The following LYPD8 variants were observed in gnomAD, a reference collection of about 807,000 sequenced individuals.
LYPD8 encodes ly6/PLAUR domain-containing protein 8.
Under a neutral mutation model 1.7 loss-of-function variants are expected in LYPD8, and 8 were observed. The ratio of observed to expected loss-of-function variants is 4.58; its 90% CI spans 2.69 to 8.27. The LOEUF (loss-of-function observed/expected upper bound fraction) is 8.27, where lower values mean the gene tolerates loss of function less well. LYPD8 is among the 30% of genes most tolerant of loss of function. LYPD8 has a pLI of 0.00. For synonymous variants in LYPD8, 50 were observed against 43.6 expected (o/e 1.15, Z -0.58); for missense variants, 112 against 102.3 (o/e 1.09, Z -0.41).
chr1:248,754,894 C>T (rs1662898074), intron 2 of LYPD8, among the ~76,000 whole-genome samples: 1 of 152,144 alleles, frequency 6.6e-6, no homozygotes, highest in African/African-American at 2.4e-5. Flanking sequence ...GCTTGCTTTT[C>T]TCCTCAGTGG....
At chr1:248,752,742 AC>A (rs1662826160) in intron 2 of LYPD8, among the ~76,000 whole-genome samples, 1 of 94,530 alleles carries the variant, frequency 1.1e-5, no homozygotes, top group African/African-American at 4.0e-5. Context: ...CATCACACAC[AC>A]CACACACCCC....
At chr1:248,743,153 T>C (rs1256685165) in intron 6 of LYPD8, among the ~76,000 whole-genome samples, 1 of 152,080 alleles carries the variant, frequency 6.6e-6, no homozygotes, top group African/African-American at 2.4e-5. Context: ...AAAATGTGTA[T>C]TTAAAAAAAA....
chr1:248,752,908 C>CCACATCACA (rs1662839355), intron 2 of LYPD8, among the ~76,000 whole-genome samples: 5 of 97,488 alleles, frequency 5.1e-5, no homozygotes, highest in African/African-American at 9.5e-5. Context: ...CACACACACC[C>CCACATCACA]CACACACCAA....
intron 6 of LYPD8, 93 bp downstream of exon 6, chr1:248,745,049 C>T (rs1662706816): frequency 2.5e-6 from 1 of 395,996 alleles, no homozygotes; most frequent in African/African-American, 2.1e-5. Flanking sequence ...CACGACTCCC[C>T]TGGTCCTTCT....
intron 6 of LYPD8, among the ~76,000 whole-genome samples, chr1:248,743,382 T>A (rs912613117): frequency 6.6e-6 from 1 of 152,116 alleles, no homozygotes; most frequent in Non-Finnish European, 1.5e-5. Flanking sequence ...GGAGAATCAC[T>A]TGAACCCAGG....
chr1:248,751,464 G>C (rs1662801412), intron 2 of LYPD8, among the ~76,000 whole-genome samples: 1 of 151,968 alleles, frequency 6.6e-6, no homozygotes, highest in African/African-American at 2.4e-5. Context: ...GCTGGGCTGG[G>C]GTCTGTGCCC....
chr1:248,741,137 G>A (rs1662590505), intron 6 of LYPD8, among the ~76,000 whole-genome samples: 1 of 152,208 alleles, frequency 6.6e-6, no homozygotes, highest in Non-Finnish European at 1.5e-5. Context: ...AACAAAGGCT[G>A]ATTCTAAACT....
chr1:248,754,920 G>T lies in LYPD8; in HGVS notation c.-50+319C>A, dbSNP rs1662898392. 6.6e-5 allele frequency among the ~76,000 whole-genome samples: 10 copies of T among 152,226 alleles called. No individual in the cohort carries two copies. The South Asian group carries it at 2.1e-3, about 32-fold the overall frequency. The stretch of plus-strand genomic sequence containing the variant: ...TCCTCAGTGGGAAAAGAGTTTCAGG[G>T]CCATGGCCTTCTGGGAAAGGGCCTC... On this transcript the variant is annotated intron_variant, in intron 2 of 6. Transcript: ENST00000590317.
chr1:248,750,942 G>C (rs940841333), intron 3 of LYPD8, 88 bp downstream of exon 3: 1 of 398,618 alleles, frequency 2.5e-6, no homozygotes, highest in Non-Finnish European at 4.4e-6. Flanking sequence ...TGACATGTGA[G>C]GCCCTCGGGG....
At chr1:248,745,859 T>C (rs1243505248) in intron 5 of LYPD8, among the ~76,000 whole-genome samples, 1 of 152,110 alleles carries the variant, frequency 6.6e-6, no homozygotes, top group African/African-American at 2.4e-5. Flanking sequence ...TTACAGGGAG[T>C]ACTACAAGGT....
intron 5 of LYPD8, among the ~76,000 whole-genome samples, chr1:248,745,855 G>A (rs1268231460): frequency 1.3e-5 from 2 of 152,110 alleles, no homozygotes; most frequent in East Asian, 3.8e-4. Flanking sequence ...ACCCTTACAG[G>A]GAGTACTACA....
intron 5 of LYPD8, among the ~76,000 whole-genome samples, chr1:248,746,228 G>A (rs1249096701): frequency 1.3e-5 from 2 of 152,130 alleles, no homozygotes; most frequent in Non-Finnish European, 2.9e-5. Context: ...CCACATAAAC[G>A]AAAGTTCTTT....
At position 248,739,888 on chromosome 1, in the gene LYPD8, C is replaced by T; in HGVS notation, c.476-39G>A. 6.5e-7 allele frequency: 1 copy of T among 1,549,476 alleles called. No individual in the cohort carries two copies. On this transcript the variant is annotated intron_variant, in intron 6 of 6. Coordinates refer to ENST00000590317, the MANE Select transcript of LYPD8 (RefSeq NM_001085474.2). The surrounding 1 kb of genome is among the most constrained non-coding windows in gnomAD (Gnocchi z 4.3). ...GGAGACAGGAGGGACGCCACTCAGT[C>T]CTTTGTCCTTCCACCCACGCCTGCT...
At chr1:248,749,118 G>A (rs1032701269) in intron 4 of LYPD8, among the ~76,000 whole-genome samples, 3 of 152,232 alleles carry the variant, frequency 2.0e-5, no homozygotes, top group Admixed American at 1.3e-4. Context: ...AAACCAGCAG[G>A]AAGCAATCAA....
At chr1:248,754,700 C>G (rs1056670164) in intron 2 of LYPD8, among the ~76,000 whole-genome samples, 1 of 152,140 alleles carries the variant, frequency 6.6e-6, no homozygotes. Context: ...GAAGGGAAAC[C>G]AGTCGGTCTG....
At chr1:248,755,218 G>A (rs1662902489) in intron 2 of LYPD8, 21 bp downstream of exon 2, 1 of 152,280 alleles carries the variant, frequency 6.6e-6, no homozygotes, top group Non-Finnish European at 1.5e-5. Context: ...GTGAAGCTGG[G>A]GCTCAAGGCA....
intron 6 of LYPD8, among the ~76,000 whole-genome samples, chr1:248,740,866 C>T (rs543366008): frequency 7.2e-5 from 11 of 152,322 alleles, no homozygotes; most frequent in South Asian, 4.1e-4. Flanking sequence ...AGGTGTCTCA[C>T]GCCTGTAATC....
At chr1:248,743,108 C>T (rs1662646497) in intron 6 of LYPD8, among the ~76,000 whole-genome samples, 1 of 151,868 alleles carries the variant, frequency 6.6e-6, no homozygotes, top group Non-Finnish European at 1.5e-5. Context: ...TCACTTCTGC[C>T]CAATTTTGCT....
intron 6 of LYPD8, among the ~76,000 whole-genome samples, chr1:248,743,875 CAGAA>C (rs1325398687): frequency 1.3e-5 from 2 of 152,246 alleles, no homozygotes; most frequent in African/African-American, 4.8e-5. Context: ...AGCTACAAGA[CAGAA>C]GGAGCGCATG....
Sources: allele counts gnomAD v4.1 joint callset (sites outside exome capture counted in the v4.1 genomes callset), GRCh38; gene constraint gnomAD v4.1.1; non-coding constraint Gnocchi (gnomAD v3.1); transcripts MANE v1.5; gene names NCBI Gene and HGNC (gene_info 2026-07-23, HGNC 2026-07-21).